The following L3MBTL4 variants were observed in gnomAD, a reference collection of about 807,000 sequenced individuals.
The protein encoded by L3MBTL4 is L3MBTL histone methyl-lysine binding protein 4, also known as lethal(3)malignant brain tumor-like protein 4.
Under a neutral mutation model 84.5 loss-of-function variants are expected in L3MBTL4, and 70 were observed. The ratio of observed to expected loss-of-function variants is 0.83; its 90% CI spans 0.68 to 1.01. The LOEUF is 1.01. L3MBTL4 is among the 50% of genes least tolerant of loss of function. L3MBTL4 has a pLI of 0.00. For synonymous variants in L3MBTL4, 274 were observed against 259.8 expected, an observed-to-expected ratio of 1.05 and a Z score of -0.52; for missense variants, 715 against 754.8, an observed-to-expected ratio of 0.95 and a Z score of 0.62.
intron 4 of L3MBTL4, among the ~76,000 whole-genome samples, chr18:6,284,428 G>A (rs937508804): frequency 1.3e-5 from 2 of 152,208 alleles, no homozygotes; most frequent in Non-Finnish European, 2.9e-5. Flanking sequence ...TCCTGGGAAA[G>A]TCGAAGCCAA....
chr18:6,392,795 AT>A (rs2055112149), intron 1 of L3MBTL4, among the ~76,000 whole-genome samples: 1 of 152,228 alleles, frequency 6.6e-6, no homozygotes, highest in Admixed American at 6.5e-5. Context: ...ATGGAACCTA[AT>A]TAAACTAGGT....
At chr18:6,051,543 A>C (rs1391776091) in intron 16 of L3MBTL4, among the ~76,000 whole-genome samples, 2 of 152,072 alleles carry the variant, frequency 1.3e-5, no homozygotes, top group African/African-American at 2.4e-5. Flanking sequence ...TGTCTCAAAA[A>C]AAAAAAAAGG....
chr18:6,166,645 A>C (rs1233399327), intron 13 of L3MBTL4, among the ~76,000 whole-genome samples: 1 of 152,230 alleles, frequency 6.6e-6, no homozygotes, highest in African/African-American at 2.4e-5. Flanking sequence ...ACAAAGACAC[A>C]ACATACCAGA....
chr18:6,047,804 G>A lies in L3MBTL4; in HGVS notation c.1444+33077C>T, dbSNP rs1022787648. On this transcript the variant is annotated intron_variant, in intron 16 of 18. Transcript: ENST00000317931. ...ACCCACAGCCAACATCTGAATGGGCGAAAGCTGGAAGCTGGAAGCATTCCT... is the reference window on the plus strand; with the variant it reads ...ACCCACAGCCAACATCTGAATGGGCAAAAGCTGGAAGCTGGAAGCATTCCT... 5.9e-5 allele frequency among the ~76,000 whole-genome samples: 9 copies of A among 152,084 alleles called. 1 individual carries two copies. In the South Asian group the frequency reaches 6.2e-4, roughly 11 times the overall value.
At chr18:6,054,378 A>G (rs2056940434) in intron 16 of L3MBTL4, among the ~76,000 whole-genome samples, 1 of 152,144 alleles carries the variant, frequency 6.6e-6, no homozygotes, top group South Asian at 2.1e-4. Context: ...GTGTGGAGTC[A>G]GGGGTATGAA....
chr18:5,955,828 G>T lies in L3MBTL4; in HGVS notation c.*392C>A. On this transcript the variant is annotated 3_prime_UTR_variant, in exon 19 of 19. Coordinates refer to ENST00000317931, the MANE Select transcript of L3MBTL4 (RefSeq NM_001330559.2). The stretch of plus-strand genomic sequence containing the variant: ...TTGCTCTGGTAAAAACATTAACGAT[G>T]TATTCATGAACACTGCTTTTCTAAT... 6.3e-6 allele frequency: 1 copy of T among 158,896 alleles called. No individual in the cohort carries two copies. Among genetic ancestry groups the T allele is most frequent in the Non-Finnish European group, 1.4e-5 (1 of 72,688 alleles). 9.8% of individuals were successfully genotyped at this position (158,896 alleles called of 1,614,324 possible).
intron 4 of L3MBTL4, among the ~76,000 whole-genome samples, chr18:6,276,427 G>T (rs2049080725): frequency 1.3e-5 from 2 of 152,084 alleles, no homozygotes; most frequent in Admixed American, 1.3e-4. Context: ...GATAAGATAT[G>T]GTTCTTGCCC....
intron 16 of L3MBTL4, among the ~76,000 whole-genome samples, chr18:6,053,389 G>T (rs906723870): frequency 6.6e-6 from 1 of 152,258 alleles, no homozygotes; most frequent in Non-Finnish European, 1.5e-5. Context: ...CCAAAATGGA[G>T]TCACTTATGT....
At chr18:6,030,627 T>A in intron 16 of L3MBTL4, 1 of 800,476 alleles carries the variant, frequency 1.2e-6, no homozygotes, top group Non-Finnish European at 1.5e-6. Flanking sequence ...GCTTCCTGAG[T>A]AGCTGGGATT....
chr18:6,059,954 T>G (rs1388425056), intron 16 of L3MBTL4, among the ~76,000 whole-genome samples: 1 of 152,218 alleles, frequency 6.6e-6, no homozygotes, highest in Non-Finnish European at 1.5e-5. Flanking sequence ...TACATTCTAT[T>G]CTATCTTGTA....
At chr18:6,278,539 T>C (rs573832992) in intron 4 of L3MBTL4, among the ~76,000 whole-genome samples, 1 of 152,352 alleles carries the variant, frequency 6.6e-6, no homozygotes, top group South Asian at 2.1e-4. Context: ...ATATGTGATA[T>C]GCATCTATAG....
chr18:6,298,234 AT>A (rs2050186162), intron 4 of L3MBTL4, among the ~76,000 whole-genome samples: 1 of 152,208 alleles, frequency 6.6e-6, no homozygotes, highest in Admixed American at 6.5e-5. Context: ...AAGTTAAAAA[AT>A]ATCATCACTA....
chr18:6,130,608 GGTTCTTCAA>G, intron 14 of L3MBTL4, among the ~76,000 whole-genome samples: 1 of 152,006 alleles, frequency 6.6e-6, no homozygotes, highest in Non-Finnish European at 1.5e-5. Flanking sequence ...TATAATTATT[GGTTCTTCAA>G]TAAATTACCT....
At chr18:6,333,335 G>C (rs1439496573) in intron 1 of L3MBTL4, among the ~76,000 whole-genome samples, 1 of 152,182 alleles carries the variant, frequency 6.6e-6, no homozygotes, top group Non-Finnish European at 1.5e-5. Flanking sequence ...AACACTTTGG[G>C]AGGCTGAGGC....
chr18:6,096,444 C>T (rs1274522611), intron 14 of L3MBTL4, among the ~76,000 whole-genome samples: 1 of 152,148 alleles, frequency 6.6e-6, no homozygotes, highest in Non-Finnish European at 1.5e-5. Flanking sequence ...CATTTTGAAC[C>T]TTAGAATCTG....
chr18:5,979,644 A>G (rs1343421842), intron 16 of L3MBTL4, among the ~76,000 whole-genome samples: 1 of 152,080 alleles, frequency 6.6e-6, no homozygotes, highest in African/African-American at 2.4e-5. Flanking sequence ...TTTTCCTCCA[A>G]TCCTTCAATA....
At chr18:6,330,033 G>C (rs2051945288) in intron 1 of L3MBTL4, among the ~76,000 whole-genome samples, 1 of 152,192 alleles carries the variant, frequency 6.6e-6, no homozygotes, top group Admixed American at 6.5e-5. Flanking sequence ...TTGTAGTAGA[G>C]TGTGTAAAAC....
At position 6,111,833 on chromosome 18, in the gene L3MBTL4, AT is replaced by A. The variant is rs552191322; in HGVS notation, c.1200-18306del. On this transcript the variant is annotated intron_variant, in intron 14 of 18. Coordinates refer to ENST00000317931, the MANE Select transcript of L3MBTL4 (RefSeq NM_001330559.2). ...AACATATGTATTACCTCTCATACTT[AT>A]TTTTTATGGTGATAACAATTAAAAT... Among the ~76,000 whole-genome samples, 545 of 152,220 alleles carry A rather than the reference AT, an allele frequency of 3.6e-3. 2 individuals carry two copies. The highest frequency in any genetic ancestry group is 0.013 in the African/African-American group (521 of 41,540).
At chr18:6,314,079 TAGATAGTC>T (rs1412232811) in intron 1 of L3MBTL4, among the ~76,000 whole-genome samples, 2 of 128,624 alleles carry the variant, frequency 1.6e-5, no homozygotes, top group East Asian at 4.5e-4. Flanking sequence ...GATAGATAGA[TAGATAGTC>T]TAACACACAG....
Sources: gnomAD v4.1 joint callset for allele counts (sites outside exome capture counted in the v4.1 genomes callset) on GRCh38, gnomAD v4.1.1 for gene constraint, MANE v1.5 for transcripts, NCBI Gene and HGNC (gene_info 2026-07-23, HGNC 2026-07-21) for gene names.